RPS6KC1: variants seen among roughly 807,000 people sequenced by gnomAD.
The protein encoded by RPS6KC1 is inactive ribosomal protein S6 kinase delta-1.
RPS6KC1 carries 54 observed loss-of-function variants against 103.8 expected under a neutral mutation model. The observed-to-expected ratio is 0.52, with a 90% confidence interval of 0.42 to 0.65. RPS6KC1 has a LOEUF of 0.65. RPS6KC1 is among the 30% of genes least tolerant of loss of function. The pLI is 0.00. For missense variants in RPS6KC1, 1,151 were observed against 1,253.8 expected (o/e 0.92, Z 1.24); for synonymous variants, 439 against 438.7 (o/e 1.00, Z -0.01).
At chr1:213,786,953 T>C in the RPS6KC1 span, among the ~76,000 whole-genome samples, 2 of 152,310 alleles carry the variant, frequency 1.3e-5, no homozygotes, top group Admixed American at 1.3e-4. Flanking sequence ...AGGTTAGTCA[T>C]TGGATTTCTT....
chr1:213,743,614 G>A, the RPS6KC1 span, among the ~76,000 whole-genome samples: 3 of 152,182 alleles, frequency 2.0e-5, no homozygotes, highest in Non-Finnish European at 4.4e-5. Flanking sequence ...AGCTTGAAGG[G>A]CCATCAGACA....
At chr1:213,207,181 G>A (rs1298758058) in intron 8 of RPS6KC1, among the ~76,000 whole-genome samples, 2 of 152,140 alleles carry the variant, frequency 1.3e-5, no homozygotes, top group African/African-American at 2.4e-5. Context: ...TTTTGAGATG[G>A]CTATTCAGAA....
chr1:213,804,593 C>T, the RPS6KC1 span, among the ~76,000 whole-genome samples: 2 of 152,204 alleles, frequency 1.3e-5, no homozygotes, highest in Non-Finnish European at 2.9e-5. Context: ...ATTCTAATAT[C>T]TTTTCCAGTA....
At chr1:213,721,877 C>T in the RPS6KC1 span, among the ~76,000 whole-genome samples, 5 of 152,218 alleles carry the variant, frequency 3.3e-5, no homozygotes, top group Admixed American at 3.3e-4. Flanking sequence ...CTGCCCCCTT[C>T]ATACACAACT....
At chr1:213,645,916 G>A in the RPS6KC1 span, among the ~76,000 whole-genome samples, 2 of 152,132 alleles carry the variant, frequency 1.3e-5, no homozygotes, top group East Asian at 3.9e-4. Flanking sequence ...ACACTTCTAG[G>A]GGTTGTTTCT....
At chr1:213,124,796 G>A (rs2084790185) in intron 5 of RPS6KC1, among the ~76,000 whole-genome samples, 1 of 152,052 alleles carries the variant, frequency 6.6e-6, no homozygotes, top group Non-Finnish European at 1.5e-5. Context: ...AAGATGATTG[G>A]TTGCATTGTG....
chr1:213,751,821 T>C, the RPS6KC1 span, among the ~76,000 whole-genome samples: 2 of 152,046 alleles, frequency 1.3e-5, no homozygotes, highest in Non-Finnish European at 2.9e-5. Context: ...AATGAGAAAA[T>C]ATAGGGAAAT....
intron 8 of RPS6KC1, among the ~76,000 whole-genome samples, chr1:213,197,411 C>T (rs1573197699): frequency 6.6e-6 from 1 of 152,258 alleles, no homozygotes; most frequent in East Asian, 1.9e-4. Context: ...TCTACCCGTC[C>T]ATCAGGATAG....
At chr1:213,611,699 C>T in the RPS6KC1 span, among the ~76,000 whole-genome samples, 11 of 152,174 alleles carry the variant, frequency 7.2e-5, no homozygotes, top group Non-Finnish European at 1.5e-4. Context: ...AGCTCCTTGG[C>T]GGAGTTGCTC....
intron 14 of RPS6KC1, among the ~76,000 whole-genome samples, chr1:213,263,433 G>A (rs927488888): frequency 5.9e-5 from 9 of 152,162 alleles, no homozygotes; most frequent in Non-Finnish European, 1.0e-4. Context: ...TTCTAGTTTC[G>A]TGTAGTGAAT....
rs200740926 is a variant in RPS6KC1 at position 213,161,234 on chromosome 1, TA to T, written c.836-6621del. ...AACATTTTCACTCTGGTAGTTTATA[TA>T]AAGGAAGTTAATTGTTAGGGAGGAT... On this transcript the variant is annotated intron_variant, in intron 6 of 14. Transcript: ENST00000366960. 4.9e-3 allele frequency among the ~76,000 whole-genome samples: 750 copies of T among 152,262 alleles called. 5 individuals are homozygous for T. Among genetic ancestry groups the T allele is most frequent in the African/African-American group, 0.015 (614 of 41,566 alleles).
At chr1:213,326,194 T>C in the RPS6KC1 span, among the ~76,000 whole-genome samples, 2 of 140,860 alleles carry the variant, frequency 1.4e-5, no homozygotes, top group African/African-American at 5.3e-5. Flanking sequence ...CAAGATGAAA[T>C]AAATAAGAGA....
the RPS6KC1 span, among the ~76,000 whole-genome samples, chr1:213,372,993 T>TAC: frequency 6.6e-6 from 1 of 152,244 alleles, no homozygotes; most frequent in African/African-American, 2.4e-5. Context: ...TGTGGAGTTT[T>TAC]AAATGATAAA....
intron 8 of RPS6KC1, among the ~76,000 whole-genome samples, chr1:213,219,320 C>T (rs1255743608): frequency 6.6e-6 from 1 of 152,186 alleles, no homozygotes; most frequent in Non-Finnish European, 1.5e-5. Flanking sequence ...TACCATCTCA[C>T]ACCAGTTACA....
At chr1:213,309,090 G>T in the RPS6KC1 span, among the ~76,000 whole-genome samples, 4 of 152,050 alleles carry the variant, frequency 2.6e-5, no homozygotes, top group African/African-American at 9.7e-5. Flanking sequence ...AGGAGTTCGA[G>T]ACCAGCCTGG....
At chr1:213,595,489 C>T in the RPS6KC1 span, among the ~76,000 whole-genome samples, 2 of 152,210 alleles carry the variant, frequency 1.3e-5, no homozygotes, top group African/African-American at 2.4e-5. Context: ...ATTCCAACCA[C>T]GTTTCCTTTG....
the RPS6KC1 span, among the ~76,000 whole-genome samples, chr1:213,571,423 T>A: frequency 3.3e-5 from 5 of 152,048 alleles, no homozygotes; most frequent in African/African-American, 1.2e-4. Flanking sequence ...CAAAACACCT[T>A]GTAGATGGCT....
In RPS6KC1 at chr1:213,127,758, A is replaced by G. The variant is rs116708507; in HGVS notation, c.473-1769A>G. Among the ~76,000 whole-genome samples, 484 of 152,306 alleles carry G rather than the reference A, an allele frequency of 3.2e-3. 4 individuals are homozygous for G. Among genetic ancestry groups the G allele is most frequent in the African/African-American group, 0.011 (458 of 41,578 alleles). ...CCACTTTGGGTTTGACAGTTTCCCA[A>G]TACTTAGTTTTCTGATGAGATTGGT... On this transcript the variant is annotated intron_variant, in intron 5 of 14. Coordinates refer to ENST00000366960, the MANE Select transcript of RPS6KC1 (RefSeq NM_012424.6).
the RPS6KC1 span, among the ~76,000 whole-genome samples, chr1:213,434,995 A>C: frequency 6.6e-6 from 1 of 152,026 alleles, no homozygotes; most frequent in Admixed American, 6.6e-5. Context: ...CTCTTCTTTG[A>C]TGATTCCATT....
Sources: allele counts gnomAD v4.1 joint callset (sites outside exome capture counted in the v4.1 genomes callset), GRCh38; gene constraint gnomAD v4.1.1; transcripts MANE v1.5; gene names NCBI Gene and HGNC (gene_info 2026-07-23, HGNC 2026-07-21).